Variants in COL24A1 observed in about 807,000 individuals in gnomAD.
The protein encoded by COL24A1 is collagen alpha-1(XXIV) chain.
In COL24A1, 224 loss-of-function variants were observed where a neutral mutation model predicts 253.9. The ratio of observed to expected loss-of-function variants is 0.88; its 90% CI spans 0.79 to 0.99. The LOEUF is 0.99. Ranked by LOEUF, COL24A1 falls within the 50% of genes least tolerant of loss-of-function variation. COL24A1 has a pLI of 0.00. For synonymous variants in COL24A1, 685 were observed against 673.7 expected (o/e 1.02, Z -0.26); for missense variants, 2,131 against 2,068.5 (o/e 1.03, Z -0.59).
intron 37 of COL24A1, among the ~76,000 whole-genome samples, chr1:85,851,436 G>A (rs1480086414): frequency 6.6e-6 from 1 of 152,068 alleles, no homozygotes; most frequent in Non-Finnish European, 1.5e-5. Flanking sequence ...ATGTGCTCAT[G>A]TCAAGAGTTT....
intron 24 of COL24A1, among the ~76,000 whole-genome samples, chr1:85,940,755 A>C (rs1188065205): frequency 6.6e-6 from 1 of 152,190 alleles, no homozygotes; most frequent in Non-Finnish European, 1.5e-5. Context: ...TGTAGTAATA[A>C]AATAAAAGTT....
At chr1:85,820,788 C>T (rs1306160113) in intron 45 of COL24A1, among the ~76,000 whole-genome samples, 2 of 152,250 alleles carry the variant, frequency 1.3e-5, no homozygotes, top group African/African-American at 4.8e-5. Flanking sequence ...TAGAGTGGCC[C>T]ATTTGAAATC....
At chr1:86,138,565 C>A (rs1650600408) in intron 2 of COL24A1, among the ~76,000 whole-genome samples, 1 of 152,112 alleles carries the variant, frequency 6.6e-6, no homozygotes, top group South Asian at 2.1e-4. Flanking sequence ...TGCACAGGCT[C>A]TCTCTTTGCC....
At chr1:86,111,774 C>T (rs1386366530) in intron 5 of COL24A1, among the ~76,000 whole-genome samples, 1 of 152,054 alleles carries the variant, frequency 6.6e-6, no homozygotes, top group Non-Finnish European at 1.5e-5. Flanking sequence ...AGCGAGACCA[C>T]GAACCCACCG....
chr1:85,926,897 G>T (rs1196407979), intron 24 of COL24A1, among the ~76,000 whole-genome samples: 1 of 152,034 alleles, frequency 6.6e-6, no homozygotes, highest in African/African-American at 2.4e-5. Flanking sequence ...GAAAATAAAA[G>T]TTTCAAGAAG....
intron 53 of COL24A1, among the ~76,000 whole-genome samples, chr1:85,766,472 G>A (rs980794303): frequency 2.0e-5 from 3 of 151,482 alleles, no homozygotes; most frequent in Non-Finnish European, 2.9e-5. Context: ...CAGGCAGACC[G>A]GGAGCAAGTA....
chr1:85,815,457 C>G, intron 47 of COL24A1, among the ~76,000 whole-genome samples: 1 of 151,936 alleles, frequency 6.6e-6, no homozygotes, highest in Non-Finnish European at 1.5e-5. Context: ...TTTCGTAGGC[C>G]GTAACCTGAT....
At chr1:85,735,558 C>T (rs1663956017) in intron 58 of COL24A1, among the ~76,000 whole-genome samples, 1 of 151,806 alleles carries the variant, frequency 6.6e-6, no homozygotes, top group Admixed American at 6.6e-5. Context: ...TTTGTGTTAC[C>T]AGCCCTTAAT....
chr1:86,090,471 G>A (rs973378769), intron 6 of COL24A1, among the ~76,000 whole-genome samples: 11 of 152,148 alleles, frequency 7.2e-5, no homozygotes, highest in Admixed American at 1.3e-4. Context: ...ATGTTACATG[G>A]TGAAGTACTA....
chr1:85,765,502 C>T (rs922081617), intron 53 of COL24A1, among the ~76,000 whole-genome samples: 3 of 148,982 alleles, frequency 2.0e-5, no homozygotes, highest in East Asian at 2.0e-4. Context: ...GGCCAGGGTT[C>T]GAGGCCAGCC....
At chr1:85,943,233 T>C (rs1281935940) in intron 24 of COL24A1, among the ~76,000 whole-genome samples, 1 of 152,186 alleles carries the variant, frequency 6.6e-6, no homozygotes, top group Non-Finnish European at 1.5e-5. Context: ...TCAGACTGAG[T>C]TACATCATTG....
chr1:86,081,111 C>T (rs997850351), intron 7 of COL24A1, among the ~76,000 whole-genome samples: 1 of 152,060 alleles, frequency 6.6e-6, no homozygotes. Flanking sequence ...ATTAAAGCAT[C>T]ATTTATTTGA....
chr1:85,979,728 G>A lies in COL24A1; in HGVS notation c.2364+7873C>T, dbSNP rs988715738. Among the ~76,000 whole-genome samples the A allele has an allele frequency of 2.0e-5, 3 of 149,440 alleles. No homozygotes were observed. The East Asian group carries it at 5.9e-4, about 29-fold the overall frequency. On this transcript the variant is annotated intron_variant, in intron 20 of 59. Coordinates refer to ENST00000370571, the MANE Select transcript of COL24A1 (RefSeq NM_152890.7). ...AAAAAAAAAAAAGTCCAGGACCAGA[G>A]AGATTCACAGCTGAATTCTATCAGA...
In COL24A1 at chr1:86,146,202, A is replaced by G. The variant is rs752581184; in HGVS notation, c.57-19T>C. 3 of 1,603,592 alleles carry G rather than the reference A, an allele frequency of 1.9e-6. No individual in the cohort carries two copies. The East Asian group carries it at 6.7e-5, about 36-fold the overall frequency. On this transcript the variant is annotated intron_variant, in intron 1 of 59. Transcript: ENST00000370571. ...TGATTTCCTAGGAAAAGAAAAAAGC[A>G]TTTGGGAAAAACTTACTAGTTGGAC...
intron 47 of COL24A1, among the ~76,000 whole-genome samples, chr1:85,800,107 G>C (rs1019971507): frequency 6.6e-6 from 1 of 152,132 alleles, no homozygotes; most frequent in African/African-American, 2.4e-5. Context: ...AGAATATGCA[G>C]GTTTTGTTGT....
intron 19 of COL24A1, among the ~76,000 whole-genome samples, chr1:86,015,874 CT>C (rs1696937650): frequency 1.5e-5 from 2 of 137,200 alleles, no homozygotes; most frequent in South Asian, 4.7e-4. Flanking sequence ...TTTGAAGACT[CT>C]ACTTTTTCTT....
chr1:85,763,656 T>A (rs1184942951), intron 53 of COL24A1, among the ~76,000 whole-genome samples: 11 of 151,666 alleles, frequency 7.3e-5, no homozygotes, highest in Non-Finnish European at 1.5e-5. Flanking sequence ...CACTCCTGGC[T>A]AATTTTTTTT....
At chr1:85,861,489 T>C (rs1679144152) in intron 37 of COL24A1, among the ~76,000 whole-genome samples, 1 of 152,202 alleles carries the variant, frequency 6.6e-6, no homozygotes, top group African/African-American at 2.4e-5. Context: ...GAAGACGTAC[T>C]CCCATGTTTT....
At chr1:85,736,686 C>T (rs1289382358) in intron 58 of COL24A1, 2 of 349,300 alleles carry the variant, frequency 5.7e-6, no homozygotes, top group African/African-American at 4.3e-5. Context: ...ATGAACAAAA[C>T]ACACAATAGG....
Sources: allele counts gnomAD v4.1 joint callset (sites outside exome capture counted in the v4.1 genomes callset), GRCh38; gene constraint gnomAD v4.1.1; transcripts MANE v1.5; gene names NCBI Gene and HGNC (gene_info 2026-07-23, HGNC 2026-07-21).